The following PTPRK variants were observed in gnomAD, a reference collection of about 807,000 sequenced individuals.
PTPRK encodes receptor-type tyrosine-protein phosphatase kappa.
PTPRK carries 75 observed loss-of-function variants against 178.0 expected under a neutral mutation model. The ratio of observed to expected loss-of-function variants is 0.42; its 90% CI spans 0.35 to 0.51. PTPRK has a LOEUF of 0.51. PTPRK is among the 20% of genes least tolerant of loss of function. The pLI is 0.02. For missense variants in PTPRK, 1,441 were observed against 1,797.8 expected, an observed-to-expected ratio of 0.80 and a Z score of 3.59; for synonymous variants, 637 against 620.6, an observed-to-expected ratio of 1.03 and a Z score of -0.39.
intron 13 of PTPRK, among the ~76,000 whole-genome samples, chr6:128,016,688 A>G (rs1469145087): frequency 6.6e-6 from 1 of 151,708 alleles, no homozygotes; most frequent in Non-Finnish European, 1.5e-5. Flanking sequence ...GTTAGGGCCT[A>G]TTGTTTAAGA....
intron 3 of PTPRK, among the ~76,000 whole-genome samples, chr6:128,275,987 T>C (rs1206475171): frequency 2.0e-5 from 3 of 152,042 alleles, no homozygotes; most frequent in African/African-American, 7.2e-5. Flanking sequence ...GCCTACTTTA[T>C]AGACTTTTCC....
chr6:128,230,171 A>G (rs1812064492), intron 5 of PTPRK, among the ~76,000 whole-genome samples: 1 of 152,182 alleles, frequency 6.6e-6, no homozygotes, highest in Non-Finnish European at 1.5e-5. Context: ...CAGGAAATGG[A>G]GAGGAAAGAG....
intron 7 of PTPRK, among the ~76,000 whole-genome samples, chr6:128,115,523 G>A (rs1337989299): frequency 6.6e-6 from 1 of 151,942 alleles, no homozygotes; most frequent in Non-Finnish European, 1.5e-5. Flanking sequence ...AATAAAATTA[G>A]GAAGCAAGTG....
At chr6:128,444,130 T>G (rs1357375891) in intron 1 of PTPRK, among the ~76,000 whole-genome samples, 1 of 152,138 alleles carries the variant, frequency 6.6e-6, no homozygotes, top group Non-Finnish European at 1.5e-5. Flanking sequence ...GGATTACAGG[T>G]GTGAGCCAGC....
intron 5 of PTPRK, among the ~76,000 whole-genome samples, chr6:128,226,761 C>CATATATAT (rs71028117): frequency 0.016 from 1,803 of 109,336 alleles, 33 homozygotes; most frequent in Non-Finnish European, 0.02. Flanking sequence ...ATTATATAGA[C>CATATATAT]ATATATATAT....
At chr6:128,142,805 G>T (rs1490738167) in intron 7 of PTPRK, among the ~76,000 whole-genome samples, 1 of 151,896 alleles carries the variant, frequency 6.6e-6, no homozygotes, top group Non-Finnish European at 1.5e-5. Context: ...GTATCCTGGT[G>T]TCATGCATAT....
At position 128,445,434 on chromosome 6, in the gene PTPRK, A is replaced by G. The variant is rs1350872430; in HGVS notation, c.101-47746T>C. Among the ~76,000 whole-genome samples the G allele has an allele frequency of 3.3e-5, 5 of 149,514 alleles. No individual in the cohort carries two copies. In the Admixed American group the frequency reaches 3.3e-4, roughly 10 times the overall value. On this transcript the variant is annotated intron_variant, in intron 1 of 29. Transcript: ENST00000368226. ...GACTTTTCAGCTTTAGGCATCATCT[A>G]TTGTATTAGTCCCTTTTCACACTGC...
Position 128,018,015 on chromosome 6 carries a change from C to G in PTPRK, c.2195-8747G>C, listed in dbSNP as rs1020726207. ...TTTATGTTCTTTAGTGTTCCTAACACCTTTCCCTTAACTACCCTCTCACCT... is the reference window on the plus strand; with the variant it reads ...TTTATGTTCTTTAGTGTTCCTAACAGCTTTCCCTTAACTACCCTCTCACCT... On this transcript the variant is annotated intron_variant, in intron 13 of 29. Coordinates refer to ENST00000368226, the MANE Select transcript of PTPRK (RefSeq NM_002844.4). 6.6e-5 allele frequency among the ~76,000 whole-genome samples: 10 copies of G among 151,054 alleles called. No individual in the cohort carries two copies. In the South Asian group the frequency reaches 1.9e-3, roughly 28 times the overall value.
At chr6:128,401,937 G>A (rs888151241) in intron 1 of PTPRK, among the ~76,000 whole-genome samples, 1 of 152,134 alleles carries the variant, frequency 6.6e-6, no homozygotes, top group Non-Finnish European at 1.5e-5. Context: ...GCTCATGTAA[G>A]TGATTATCAA....
At chr6:128,453,294 A>G (rs1295394006) in intron 1 of PTPRK, among the ~76,000 whole-genome samples, 1 of 152,086 alleles carries the variant, frequency 6.6e-6, no homozygotes, top group Admixed American at 6.6e-5. Context: ...GAGAATTGGG[A>G]CTCACTGCAT....
intron 6 of PTPRK, among the ~76,000 whole-genome samples, chr6:128,198,423 G>A (rs558012842): frequency 6.2e-4 from 95 of 152,138 alleles, no homozygotes; most frequent in African/African-American, 2.1e-3. Context: ...GTTGAACAAC[G>A]AGAACACATG....
intron 7 of PTPRK, among the ~76,000 whole-genome samples, chr6:128,109,079 A>G (rs999955177): frequency 6.6e-6 from 1 of 152,156 alleles, no homozygotes; most frequent in Admixed American, 6.5e-5. Context: ...TTCCAAGAAC[A>G]TTTAAAAAAA....
At chr6:128,176,208 G>A (rs187255006) in intron 7 of PTPRK, among the ~76,000 whole-genome samples, 1 of 151,858 alleles carries the variant, frequency 6.6e-6, no homozygotes, top group Admixed American at 6.6e-5. Context: ...GGTATTATAG[G>A]TTCATATGTA....
At chr6:128,042,054 C>T (rs1379670162) in intron 13 of PTPRK, among the ~76,000 whole-genome samples, 1 of 151,978 alleles carries the variant, frequency 6.6e-6, no homozygotes, top group Non-Finnish European at 1.5e-5. Context: ...AAACCCCTCT[C>T]CTCCAGTTTC....
intron 4 of PTPRK, among the ~76,000 whole-genome samples, chr6:128,240,478 C>T (rs925995638): frequency 3.3e-5 from 5 of 151,102 alleles, no homozygotes; most frequent in African/African-American, 4.8e-5. Context: ...TACAAACTTA[C>T]AAGTCAAAGC....
intron 7 of PTPRK, among the ~76,000 whole-genome samples, chr6:128,147,334 C>T (rs1200567058): frequency 2.0e-5 from 3 of 151,944 alleles, no homozygotes; most frequent in African/African-American, 7.3e-5. Context: ...TTAGAAGATA[C>T]CAGGAGCATT....
chr6:127,991,496 G>T, intron 19 of PTPRK, 105 bp from the exon 20 acceptor site: 4 of 705,562 alleles, frequency 5.7e-6, no homozygotes, highest in Non-Finnish European at 8.4e-6. Flanking sequence ...TTCCAAAAAA[G>T]GTCTAACACA....
chr6:128,240,068 C>G lies in PTPRK; in HGVS notation c.660G>C (p.Gly220=). 6.2e-7 allele frequency: 1 copy of G among 1,614,144 alleles called. No individual in the cohort carries two copies. The highest frequency in any genetic ancestry group is 8.5e-7 in the Non-Finnish European group (1 of 1,179,972). The part of the protein sequence containing the change: ...QNATFQCIAT[G]RDAVHNKLWL... ...ATAACTTGTTATGCACAGCATCTCT[C>G]CCTGTGGCAATGCACTGAAATGTAG... The change falls in exon 5 of 30, where the codon GGG becomes GGC. Residue 220 remains glycine, a synonymous_variant. Transcript: ENST00000368226.
At chr6:128,097,615 A>C (rs1405942834) in intron 7 of PTPRK, among the ~76,000 whole-genome samples, 2 of 152,168 alleles carry the variant, frequency 1.3e-5, no homozygotes, top group Non-Finnish European at 2.9e-5. Flanking sequence ...CTTTCACTTA[A>C]CATTTTTTGG....
Sources: allele counts gnomAD v4.1 joint callset (sites outside exome capture counted in the v4.1 genomes callset), GRCh38; gene constraint gnomAD v4.1.1; transcripts MANE v1.5; gene names NCBI Gene and HGNC (gene_info 2026-07-23, HGNC 2026-07-21).